HTT: variants seen among roughly 807,000 people sequenced by gnomAD.
HTT encodes the protein huntington disease protein.
Under a neutral mutation model 362.3 loss-of-function variants are expected in HTT, and 104 were observed. The ratio of observed to expected loss-of-function variants is 0.29; its 90% CI spans 0.24 to 0.34. The LOEUF is 0.34. Ranked by LOEUF, HTT falls within the 10% of genes least tolerant of loss-of-function variation. The pLI is 1.00. For synonymous variants in HTT, 1,577 were observed against 1,548.7 expected (o/e 1.02, Z -0.43); for missense variants, 3,301 against 3,928.6 (o/e 0.84, Z 4.27).
intron 57 of HTT, 36 bp downstream of exon 57, chr4:3,225,779 G>C (rs749859524): frequency 2.6e-6 from 4 of 1,540,966 alleles, no homozygotes. Flanking sequence ...GCCTCTGTCC[G>C]TTTCTGTCCT....
At position 3,182,367 on chromosome 4, in the gene HTT, T is replaced by C. The variant is rs1718566087; in HGVS notation, c.4763T>C (p.Phe1588Ser). 1 of 1,612,826 alleles carries C rather than the reference T, an allele frequency of 6.2e-7. No homozygotes were observed. Among genetic ancestry groups the C allele is most frequent in the African/African-American group, 1.3e-5 (1 of 74,908 alleles). ...LIQYHQVLEM[F>S]ILVLQQCHKE... ...ACGCTCTTATAGGTGTTGGAGATGT[T>C]CATTCTTGTCCTGCAGCAGTGCCAC... Residue 1588 changes from phenylalanine to serine, a missense_variant, in exon 37 of 67, where the codon TTC becomes TCC. Transcript: ENST00000355072.
intron 28 of HTT, among the ~76,000 whole-genome samples, chr4:3,159,277 C>T (rs1026547462): frequency 7.2e-5 from 11 of 152,336 alleles, no homozygotes; most frequent in Middle Eastern, 3.4e-3. Context: ...TAATTCTCAT[C>T]TCATGACCTC....
chr4:3,154,220 A>G (rs926842115), intron 26 of HTT, 73 bp from the exon 27 acceptor site: 45 of 1,251,380 alleles, frequency 3.6e-5, no homozygotes, highest in Non-Finnish European at 4.6e-5. Flanking sequence ...CAAATATTCT[A>G]ATTTTCAGTT....
intron 8 of HTT, 40 bp downstream of exon 8, chr4:3,116,303 G>T: frequency 6.6e-7 from 1 of 1,515,838 alleles, no homozygotes; most frequent in South Asian, 1.1e-5. Flanking sequence ...GCATGTGAAT[G>T]ACTGACATTC....
chr4:3,097,076 G>A (rs1266041202), intron 2 of HTT, among the ~76,000 whole-genome samples: 1 of 152,182 alleles, frequency 6.6e-6, no homozygotes, highest in Non-Finnish European at 1.5e-5. Flanking sequence ...CTGTGATTGT[G>A]CCACTGTGTT....
At chr4:3,173,323 G>C in intron 31 of HTT, 192 bp downstream of exon 31, 1 of 587,672 alleles carries the variant, frequency 1.7e-6, no homozygotes, top group Non-Finnish European at 3.0e-6. Context: ...TCCAAGAAGT[G>C]TGTGGCCAGT....
chr4:3,117,328 A>G (rs1329223310), intron 8 of HTT, among the ~76,000 whole-genome samples: 5 of 151,886 alleles, frequency 3.3e-5, no homozygotes. Flanking sequence ...AGTTTATTTC[A>G]TCTTTACCTT....
chr4:3,240,148 C>A lies in HTT; in HGVS notation c.*89C>A. 1 of 1,172,392 alleles carries A rather than the reference C, an allele frequency of 8.5e-7. No homozygotes were observed. Among genetic ancestry groups the A allele is most frequent in the Non-Finnish European group, 1.2e-6 (1 of 819,414 alleles). The allele number at this position is 1,172,392 out of a possible 1,614,324, so 72.6% of individuals were successfully genotyped here. ...TTGTGCCCTGCCTCCACCGAGCCAG[C>A]TTGGTCCCTATGGGCTTCCGCACAT... On this transcript the variant is annotated 3_prime_UTR_variant, in exon 67 of 67. Transcript: ENST00000355072.
intron 48 of HTT, 104 bp from the exon 49 acceptor site, chr4:3,212,460 G>A (rs1300494298): frequency 7.1e-6 from 10 of 1,407,112 alleles, no homozygotes; most frequent in Non-Finnish European, 9.9e-6. Flanking sequence ...GAGGAACAAT[G>A]TCTTGAGCTT....
At chr4:3,083,025 G>A (rs1713000154) in intron 1 of HTT, among the ~76,000 whole-genome samples, 2 of 152,142 alleles carry the variant, frequency 1.3e-5, no homozygotes, top group African/African-American at 4.8e-5. Context: ...TGTGTATAGC[G>A]GGAGAAGAGA....
intron 9 of HTT, 135 bp downstream of exon 9, chr4:3,121,567 A>C: frequency 1.6e-6 from 1 of 633,960 alleles, no homozygotes; most frequent in Non-Finnish European, 2.7e-6. Context: ...TACAAATTTC[A>C]TCTTTATTTT....
intron 51 of HTT, among the ~76,000 whole-genome samples, chr4:3,217,038 A>AT (rs79137556): frequency 6.6e-6 from 1 of 152,110 alleles, no homozygotes; most frequent in East Asian, 1.9e-4. Context: ...AAAAAAAAAA[A>AT]ATATTAATAA....
Position 3,239,972 on chromosome 4 carries a change from T to C in HTT, c.9342T>C (p.Ser3114=), listed in dbSNP as rs766308856. 6 of 1,598,946 alleles carry C rather than the reference T, an allele frequency of 3.8e-6. No homozygotes were observed. Among genetic ancestry groups the C allele is most frequent in the Non-Finnish European group, 5.1e-6 (6 of 1,172,382 alleles). ...EEELDRRAFQ[S]VLEVVAAPGS... is the part of the protein sequence containing the mutation. ...AGCTCGACCGCAGGGCCTTCCAGTC[T>C]GTGCTTGAGGTGGTTGCAGCCCCAG... The change falls in exon 67 of 67, where the codon TCT becomes TCC. Residue 3114 remains serine, a synonymous_variant. Transcript: ENST00000355072.
In HTT at chr4:3,240,279, G is replaced by C. The variant is rs1408663011; in HGVS notation, c.*220G>C. 1.0e-5 allele frequency: 6 copies of C among 589,006 alleles called. No individual in the cohort carries two copies. Among genetic ancestry groups the C allele is most frequent in the African/African-American group, 9.3e-5 (5 of 53,612 alleles). The allele number at this position is 589,006 out of a possible 1,614,324, so 36.5% of individuals were successfully genotyped here. A position where few individuals can be genotyped will look rare whatever the true frequency, so the allele number is the denominator to read the frequency against. ...CTGCAGTCCTGGTGGGGCTGAGCCT[G>C]AGGCCTTCCAGAAAGCAGGAGCAGC... On this transcript the variant is annotated 3_prime_UTR_variant, in exon 67 of 67. Transcript: ENST00000355072.
intron 1 of HTT, among the ~76,000 whole-genome samples, chr4:3,078,809 A>G (rs1273099102): frequency 1.3e-5 from 2 of 149,148 alleles, no homozygotes; most frequent in African/African-American, 2.5e-5. Context: ...ATCTCAGCTC[A>G]CTGCAAGCTC....
At chr4:3,185,383 T>C (rs1259658378) in intron 37 of HTT, among the ~76,000 whole-genome samples, 4 of 152,132 alleles carry the variant, frequency 2.6e-5, no homozygotes, top group Non-Finnish European at 5.9e-5. Flanking sequence ...GGGTCCAGGA[T>C]GCAGGAATCC....
chr4:3,137,708 A>C (rs936312739), intron 21 of HTT, among the ~76,000 whole-genome samples: 2 of 152,146 alleles, frequency 1.3e-5, no homozygotes, highest in Non-Finnish European at 2.9e-5. Flanking sequence ...AAACAAACAA[A>C]GATTTGTATT....
At chr4:3,205,032 T>C (rs967953680) in intron 42 of HTT, among the ~76,000 whole-genome samples, 19 of 152,292 alleles carry the variant, frequency 1.2e-4, no homozygotes, top group African/African-American at 4.6e-4. Context: ...AGATGTTCTT[T>C]GTCACATTTT....
At chr4:3,136,128 T>G (rs1716054239) in intron 20 of HTT, 98 bp from the exon 21 acceptor site, 1 of 919,386 alleles carries the variant, frequency 1.1e-6, no homozygotes, top group East Asian at 2.5e-5. Flanking sequence ...TTAAGTCTAG[T>G]AATGTTGAGT....
Sources: gnomAD v4.1 joint callset for allele counts (sites outside exome capture counted in the v4.1 genomes callset) on GRCh38, gnomAD v4.1.1 for gene constraint, MANE v1.5 for transcripts, NCBI Gene and HGNC (gene_info 2026-07-23, HGNC 2026-07-21) for gene names.